The following DNAAF9 variants were observed in gnomAD, a reference collection of about 807,000 sequenced individuals.
The protein encoded by DNAAF9 is shulin.
Under a neutral mutation model 167.0 loss-of-function variants are expected in DNAAF9, and 90 were observed. The observed-to-expected ratio is 0.54, with a 90% CI of 0.45 to 0.64. The LOEUF is 0.64. DNAAF9 is among the 30% of genes least tolerant of loss of function. The probability of loss-of-function intolerance (pLI) is 0.00; values close to 1 mark genes in which losing one functional copy is unlikely to be tolerated. For synonymous variants in DNAAF9, 491 were observed against 508.8 expected (o/e 0.96, Z 0.47); for missense variants, 1,315 against 1,442.2 (o/e 0.91, Z 1.43).
At position 3,376,213 on chromosome 20, in the gene DNAAF9, T is replaced by G. The variant is rs1431756997; in HGVS notation, c.373A>C (p.Arg125=). The change falls in exon 4 of 37, where the codon AGA becomes CGA. Residue 125 remains arginine, a synonymous_variant. Transcript: ENST00000252032. ...GTCATGCAGTGGAAATGCAGATTTC[T>G]CCAATGTGCCACATAAGGTAAGAGA... is the stretch of plus-strand genomic sequence containing the variant. The part of the protein sequence containing the change: ...RYLLPYVAHW[R]NLHFHCMTEN... 1 of 1,613,908 alleles carries G rather than the reference T, an allele frequency of 6.2e-7. No individual in the cohort carries two copies. The highest frequency in any genetic ancestry group is 1.7e-5 in the Admixed American group (1 of 60,004).
Position 3,255,294 on chromosome 20 carries a change from T to A in DNAAF9, c.3262-10A>T, listed in dbSNP as rs367900985. ...CTTTCCTCTGAGGCTTCTGCAGAGA[T>A]GGGGAGTGGAGGGTCAGGTCCCAGC... On this transcript the variant is annotated splice_polypyrimidine_tract_variant and intron_variant, in intron 34 of 36. Coordinates refer to ENST00000252032, the MANE Select transcript of DNAAF9 (RefSeq NM_001009984.3). 7 of 1,541,208 alleles carry A rather than the reference T, an allele frequency of 4.5e-6. No individual in the cohort carries two copies. Among genetic ancestry groups the A allele is most frequent in the Non-Finnish European group, 6.2e-6 (7 of 1,137,864 alleles).
chr20:3,365,951 C>T (rs1227013745), intron 6 of DNAAF9, among the ~76,000 whole-genome samples: 2 of 152,222 alleles, frequency 1.3e-5, no homozygotes, highest in African/African-American at 2.4e-5. Flanking sequence ...TCAGGCTCCA[C>T]TTCTAATTCT....
At chr20:3,343,409 A>T (rs1174352990) in intron 9 of DNAAF9, among the ~76,000 whole-genome samples, 1 of 152,134 alleles carries the variant, frequency 6.6e-6, no homozygotes, top group East Asian at 1.9e-4. Flanking sequence ...GGCCTCCCAA[A>T]ATGCTGGGAT....
intron 30 of DNAAF9, among the ~76,000 whole-genome samples, chr20:3,268,768 A>C (rs1480561412): frequency 1.3e-5 from 2 of 152,210 alleles, no homozygotes; most frequent in African/African-American, 2.4e-5. Context: ...TTGAGCAAAC[A>C]AAACAGCTAT....
intron 6 of DNAAF9, among the ~76,000 whole-genome samples, chr20:3,371,405 G>A (rs1398996000): frequency 7.7e-6 from 1 of 129,396 alleles, no homozygotes; most frequent in Non-Finnish European, 1.5e-5. Flanking sequence ...GTGCAGTGGC[G>A]CTATCTCGGC....
intron 21 of DNAAF9, among the ~76,000 whole-genome samples, chr20:3,298,819 T>C (rs1420728352): frequency 6.6e-6 from 1 of 152,192 alleles, no homozygotes; most frequent in African/African-American, 2.4e-5. Context: ...TCCGTGCTTT[T>C]GGTATCACAT....
intron 27 of DNAAF9, among the ~76,000 whole-genome samples, chr20:3,285,326 T>C (rs1041292538): frequency 6.6e-6 from 1 of 151,082 alleles, no homozygotes; most frequent in African/African-American, 2.4e-5. Context: ...GTGGGAAGAT[T>C]GGTTAAGCTC....
Position 3,327,472 on chromosome 20 carries a change from G to C in DNAAF9, c.1101-1188C>G, listed in dbSNP as rs143615659. ...CTTCTTAGGACACTTACGAAGAGAA[G>C]GGGCTCATCCAAGGGTCCCTGAAAG... On this transcript the variant is annotated intron_variant, in intron 12 of 36. Coordinates refer to ENST00000252032, the MANE Select transcript of DNAAF9 (RefSeq NM_001009984.3). 1.1e-4 allele frequency among the ~76,000 whole-genome samples: 16 copies of C among 152,208 alleles called. No homozygotes were observed. The East Asian group carries it at 2.9e-3, about 28-fold the overall frequency.
In DNAAF9 at chr20:3,315,466, A is replaced by T. The variant is rs1161864960; in HGVS notation, c.1590+269T>A. ...TGTCTCAGCTCTACATGTCTAGGCC[A>T]ATCTGGGATCTGCTTTTAATATTAT... On this transcript the variant is annotated intron_variant, in intron 19 of 36. Coordinates refer to ENST00000252032, the MANE Select transcript of DNAAF9 (RefSeq NM_001009984.3). The surrounding 1 kb of genome is among the most constrained non-coding windows in gnomAD (Gnocchi z 4.1). Among the ~76,000 whole-genome samples, 1 of 152,226 alleles carries T rather than the reference A, an allele frequency of 6.6e-6. No individual in the cohort carries two copies. Among genetic ancestry groups the T allele is most frequent in the Non-Finnish European group, 1.5e-5 (1 of 68,032 alleles).
rs1205393776 is a variant in DNAAF9 at position 3,253,793 on chromosome 20, A to G, written c.3354T>C (p.Pro1118=). 1.2e-6 allele frequency: 2 copies of G among 1,611,712 alleles called. No homozygotes were observed. Among genetic ancestry groups the G allele is most frequent in the South Asian group, 1.1e-5 (1 of 91,044 alleles). The change falls in exon 36 of 37, where the codon CCT becomes CCC. Residue 1118 remains proline (P), a synonymous_variant. Transcript: ENST00000252032. Reference sequence around the variant, plus strand: ...GGGTGCCATTATAAAAGTAGCCTGCAGGTAGGGGTTCCAAGTGGCGTTTTA... The same window carrying G: ...GGGTGCCATTATAAAAGTAGCCTGCGGGTAGGGGTTCCAAGTGGCGTTTTA... ...IHVKRHLEPL[P]AGYFYNGTQF...
intron 27 of DNAAF9, among the ~76,000 whole-genome samples, chr20:3,282,535 G>C (rs2068780719): frequency 6.6e-6 from 1 of 152,084 alleles, no homozygotes; most frequent in African/African-American, 2.4e-5. Flanking sequence ...GCTAAACCCA[G>C]AGTCAGATCA....
chr20:3,288,403 T>C (rs1294476992), intron 26 of DNAAF9, among the ~76,000 whole-genome samples: 2 of 152,042 alleles, frequency 1.3e-5, no homozygotes, highest in Non-Finnish European at 2.9e-5. Context: ...TGAGCTGAGA[T>C]CGCACCACTG....
At chr20:3,384,559 A>G (rs2083706948) in intron 1 of DNAAF9, 1 of 148,574 alleles carries the variant, frequency 6.7e-6, no homozygotes, top group South Asian at 2.1e-4. Flanking sequence ...TTTTAAAGAG[A>G]TGGGGTCTCA....
intron 6 of DNAAF9, 92 bp from the exon 7 acceptor site, chr20:3,359,685 G>T: frequency 1.2e-6 from 1 of 842,390 alleles, no homozygotes; most frequent in Non-Finnish European, 1.9e-6. Flanking sequence ...GACTCTTTTG[G>T]TATAAACTAG....
chr20:3,343,837 C>T (rs2070134631), intron 8 of DNAAF9, 106 bp from the exon 9 acceptor site: 11 of 796,882 alleles, frequency 1.4e-5, no homozygotes, highest in Admixed American at 3.9e-5. Flanking sequence ...GGAGAGTGCA[C>T]AGCGTGTGTG....
chr20:3,367,201 T>C (rs922758937), intron 6 of DNAAF9, among the ~76,000 whole-genome samples: 8 of 152,234 alleles, frequency 5.3e-5, no homozygotes, highest in African/African-American at 1.4e-4. Flanking sequence ...TTCTGCAGCT[T>C]CCTCACCATT....
In DNAAF9 at chr20:3,311,700, G is replaced by A. The variant is rs943033765; in HGVS notation, c.1678+3333C>T. Among the ~76,000 whole-genome samples, 5 of 152,308 alleles carry A rather than the reference G, an allele frequency of 3.3e-5. No individual in the cohort carries two copies. In the East Asian group the frequency reaches 9.6e-4, roughly 29 times the overall value. On this transcript the variant is annotated intron_variant, in intron 20 of 36. Coordinates refer to ENST00000252032, the MANE Select transcript of DNAAF9 (RefSeq NM_001009984.3). ...CTAGGAATACTGAGCAAAAAAAGCA[G>A]GTCTACATTATGATTCTATTTGTAT...
chr20:3,281,557 A>G, intron 28 of DNAAF9, 84 bp downstream of exon 28: 2 of 1,293,374 alleles, frequency 1.5e-6, no homozygotes, highest in South Asian at 3.0e-5. Flanking sequence ...CAAGGTGACT[A>G]ATGCATTCCA....
chr20:3,385,279 G>A (rs1004188245), intron 1 of DNAAF9, among the ~76,000 whole-genome samples: 1 of 152,076 alleles, frequency 6.6e-6, no homozygotes, highest in Non-Finnish European at 1.5e-5. Flanking sequence ...AAAGAAAACT[G>A]TTCCTATTTG....
Sources: gnomAD v4.1 joint callset for allele counts (sites outside exome capture counted in the v4.1 genomes callset) on GRCh38, gnomAD v4.1.1 for gene constraint, Gnocchi (gnomAD v3.1) non-coding constraint, MANE v1.5 for transcripts, NCBI Gene and HGNC (gene_info 2026-07-23, HGNC 2026-07-21) for gene names.